Variants in PKD1L1 observed in about 807,000 individuals in gnomAD.
The protein encoded by PKD1L1 is polycystin 1 like 1, transient receptor potential channel interacting, also known as polycystin-1-like protein 1.
A neutral mutation model predicts 323.4 loss-of-function variants in PKD1L1; 236 were observed. The observed-to-expected ratio is 0.73, with a 90% CI of 0.66 to 0.81. The LOEUF is 0.81. Ranked by LOEUF, PKD1L1 falls within the 40% of genes least tolerant of loss-of-function variation. The probability of loss-of-function intolerance (pLI) is 0.00; values close to 1 mark genes in which losing one functional copy is unlikely to be tolerated. For missense variants in PKD1L1, 3,320 were observed against 3,508.0 expected, an observed-to-expected ratio of 0.95 and a Z score of 1.35; for synonymous variants, 1,344 against 1,335.0, an observed-to-expected ratio of 1.01 and a Z score of -0.15.
rs1308274837 is a variant in PKD1L1, at chr7:47,876,088, A to G, written c.3784+9T>C. 5 of 1,613,818 alleles carry G rather than the reference A, an allele frequency of 3.1e-6. No homozygotes were observed. The African/African-American group carries it at 4.0e-5, about 13-fold the overall frequency. On this transcript the variant is annotated intron_variant, in intron 23 of 56. Coordinates refer to ENST00000289672, the MANE Select transcript of PKD1L1 (RefSeq NM_138295.5). Reference sequence around the variant, plus strand: ...ACAGCTAGTGACTCCAACTGGCACCATAGCTTACCTTTGTAATTGTCCAAG... The same window carrying G: ...ACAGCTAGTGACTCCAACTGGCACCGTAGCTTACCTTTGTAATTGTCCAAG...
chr7:47,872,169 A>AC (rs1482208941), intron 24 of PKD1L1, among the ~76,000 whole-genome samples: 1 of 152,168 alleles, frequency 6.6e-6, no homozygotes, highest in African/African-American at 2.4e-5. Flanking sequence ...TTGTTTTTCT[A>AC]CCCCCTGCAG....
Position 47,945,790 on chromosome 7 carries a change from C to T in PKD1L1, c.45-2279G>A, listed in dbSNP as rs550236120. Reference sequence around the variant, plus strand: ...CAAGGTTAGATAGCCCTGGCACCCACCAAGTTCCGAGACCCTCCCAGACAC... The same window carrying T: ...CAAGGTTAGATAGCCCTGGCACCCATCAAGTTCCGAGACCCTCCCAGACAC... On this transcript the variant is annotated intron_variant, in intron 1 of 56. Coordinates refer to ENST00000289672, the MANE Select transcript of PKD1L1 (RefSeq NM_138295.5). Among the ~76,000 whole-genome samples the T allele has an allele frequency of 2.0e-5, 3 of 152,222 alleles. No individual in the cohort carries two copies. The East Asian group carries it at 5.8e-4, about 29-fold the overall frequency.
chr7:47,818,278 C>T (rs754335468), intron 46 of PKD1L1: 91 of 1,104,812 alleles, frequency 8.2e-5, no homozygotes, highest in African/African-American at 1.2e-4. Flanking sequence ...GTGAAAAGGG[C>T]GGGAGGGTAG....
intron 42 of PKD1L1, among the ~76,000 whole-genome samples, chr7:47,831,013 A>AGCTG: frequency 6.6e-6 from 1 of 152,176 alleles, no homozygotes; most frequent in Non-Finnish European, 1.5e-5. Context: ...GCCATGGCAG[A>AGCTG]GCTGGCCAGG....
At chr7:47,937,398 A>C (rs1351413307) in intron 3 of PKD1L1, among the ~76,000 whole-genome samples, 2 of 152,172 alleles carry the variant, frequency 1.3e-5, no homozygotes, top group Non-Finnish European at 2.9e-5. Flanking sequence ...CTGCAGGAGC[A>C]GCAGAAGTCT....
chr7:47,822,297 CT>C (rs1785157314), intron 45 of PKD1L1, among the ~76,000 whole-genome samples: 1 of 152,032 alleles, frequency 6.6e-6, no homozygotes, highest in African/African-American at 2.4e-5. Context: ...TAAAAAAAAG[CT>C]TGTGGTATTT....
chr7:47,853,173 C>T lies in PKD1L1; in HGVS notation c.4914G>A (p.Trp1638Ter), dbSNP rs1286473753. The change falls in exon 31 of 57, where the codon TGG becomes TGA. Residue 1638 changes from tryptophan (W) to a stop codon, truncating the protein, a stop_gained. Transcript: ENST00000289672. LOFTEE classifies it high-confidence loss of function. ...SDFLVKQIYF[W>*]DESIVQIYIP... is the part of the protein sequence containing the mutation. Reference sequence around the variant, plus strand: ...TATAAATCTGCACAATTGACTCATCCCAGAAGTAGATCTGCTTCACAAGAA... The same window carrying T: ...TATAAATCTGCACAATTGACTCATCTCAGAAGTAGATCTGCTTCACAAGAA... 7 of 1,613,706 alleles carry T rather than the reference C, an allele frequency of 4.3e-6. No homozygotes were observed. The highest frequency in any genetic ancestry group is 1.1e-5 in the South Asian group (1 of 91,074).
rs1013140540 is a variant in PKD1L1, at chr7:47,905,319, G to A, written c.1529C>T (p.Ser510Phe). Reference protein sequence around the residue: ...MTVWYKMQSVSVYTNGTVFAT... With the variant: ...MTVWYKMQSVFVYTNGTVFAT... ...AAACACAGTTCCATTTGTGTAGACA[G>A]AGACGGCTGTGGCAAAAGAAAGGAA... The change falls in exon 11 of 57, where the codon TCT becomes TTT. Residue 510 changes from serine to phenylalanine, a missense_variant. By Grantham distance (155) the Ser-to-Phe change is radical. Coordinates refer to ENST00000289672, the MANE Select transcript of PKD1L1 (RefSeq NM_138295.5). 1 of 1,613,576 alleles carries A rather than the reference G, an allele frequency of 6.2e-7. No individual in the cohort carries two copies. The highest frequency in any genetic ancestry group is 8.5e-7 in the Non-Finnish European group (1 of 1,179,810).
chr7:47,829,456 C>T lies in PKD1L1; in HGVS notation c.6704G>A (p.Ser2235Asn). 2 of 1,613,896 alleles carry T rather than the reference C, an allele frequency of 1.2e-6. No individual in the cohort carries two copies. Among genetic ancestry groups the T allele is most frequent in the Non-Finnish European group, 8.5e-7 (1 of 1,179,952 alleles). Residue 2235 changes from serine to asparagine, a missense_variant, in exon 44 of 57, where the codon AGT (serine) becomes AAT (asparagine). Coordinates refer to ENST00000289672, the MANE Select transcript of PKD1L1 (RefSeq NM_138295.5). ...WTRLPFSSSC[S>N]IPDCAGEVEK... ...AACCTCGCCTGCACAGTCAGGAATA[C>T]TGCAGCTTGAAGAGAAGGGGAGGCG...
chr7:47,851,969 G>C (rs1383041748), intron 31 of PKD1L1, among the ~76,000 whole-genome samples: 3 of 152,166 alleles, frequency 2.0e-5, no homozygotes, highest in Non-Finnish European at 2.9e-5. Flanking sequence ...CATTTGGGGG[G>C]ATTTTAAAAA....
At chr7:47,879,800 G>T (rs1472134794) in intron 21 of PKD1L1, among the ~76,000 whole-genome samples, 1 of 149,078 alleles carries the variant, frequency 6.7e-6, no homozygotes. Context: ...GGGCGTGGTG[G>T]CAGGCAGCTG....
intron 8 of PKD1L1, among the ~76,000 whole-genome samples, chr7:47,912,798 A>C (rs1230101583): frequency 6.3e-5 from 9 of 141,788 alleles, no homozygotes; most frequent in Non-Finnish European, 1.4e-4. Context: ...CCTGGGCAAC[A>C]GAGTGAGACT....
chr7:47,907,967 T>C lies in PKD1L1; in HGVS notation c.1402+110A>G, dbSNP rs914503696. The C allele has an allele frequency of 8.8e-6, 9 of 1,027,982 alleles. No individual in the cohort carries two copies. In the African/African-American group the frequency reaches 1.3e-4, roughly 15 times the overall value. 63.7% of individuals were successfully genotyped at this position (1,027,982 alleles called of 1,614,324 possible). A position where few individuals can be genotyped will look rare whatever the true frequency, so the allele number is the denominator to read the frequency against. ...ATTAGGGAAGAATGAATGAAGGATG[T>C]TGTATCAAATTTAGAACTGCTATAA... On this transcript the variant is annotated intron_variant, in intron 9 of 56. Transcript: ENST00000289672.
At chr7:47,943,160 AAAAATATAT>A (rs1422501425) in intron 2 of PKD1L1, among the ~76,000 whole-genome samples, 18 of 54,118 alleles carry the variant, frequency 3.3e-4, no homozygotes, top group East Asian at 6.7e-4. Context: ...AAAAAAAAAA[AAAAATATAT>A]ATATATATAT....
At chr7:47,865,177 T>G in intron 26 of PKD1L1, 39 bp downstream of exon 26, 1 of 1,519,330 alleles carries the variant, frequency 6.6e-7, no homozygotes, top group Non-Finnish European at 9.1e-7. Context: ...CAAAACTATA[T>G]AAAATAGGAA....
At position 47,843,220 on chromosome 7, in the gene PKD1L1, A is replaced by G. The variant is rs1483579503; in HGVS notation, c.5238-51T>C. The G allele has an allele frequency of 2.1e-6, 3 of 1,430,862 alleles. No homozygotes were observed. In the African/African-American group the frequency reaches 4.3e-5, roughly 20 times the overall value. The allele number at this position is 1,430,862 out of a possible 1,614,324, so 88.6% of individuals were successfully genotyped here. A position where few individuals can be genotyped will look rare whatever the true frequency, so the allele number is the denominator to read the frequency against. ...GAAAATTGCTCATGAAAATAGACAT[A>G]TAGGAAAAGACTGATTGCCACCCCT... On this transcript the variant is annotated intron_variant, in intron 33 of 56. Transcript: ENST00000289672.
intron 53 of PKD1L1, among the ~76,000 whole-genome samples, chr7:47,801,760 T>C: frequency 6.6e-6 from 1 of 152,242 alleles, no homozygotes; most frequent in Non-Finnish European, 1.5e-5. Context: ...TCTATGAGTC[T>C]ACAACTGGAC....
rs1395095758 is a variant in PKD1L1, at chr7:47,915,446, G to T, written c.1214C>A (p.Ser405Tyr). Residue 405 changes from serine (S) to tyrosine (Y), a missense_variant, in exon 8 of 57, where the codon TCT becomes TAT. Coordinates refer to ENST00000289672, the MANE Select transcript of PKD1L1 (RefSeq NM_138295.5). ...TAAAAACATACTGGTGACAAAGGCAGAAATAAGCTCATATCCAAGGTTACT... is the reference window on the plus strand; with the variant it reads ...TAAAAACATACTGGTGACAAAGGCATAAATAAGCTCATATCCAAGGTTACT... The part of the protein sequence containing the change: ...DPSNLGYELI[S>Y]AFVTKGVYML... 1 of 956,524 alleles carries T rather than the reference G, an allele frequency of 1.0e-6. No individual in the cohort carries two copies. Among genetic ancestry groups the T allele is most frequent in the African/African-American group, 1.6e-5 (1 of 62,232 alleles). The allele number at this position is 956,524 out of a possible 1,614,324, so 59.3% of individuals were successfully genotyped here.
chr7:47,960,232 C>CGG, the PKD1L1 span, among the ~76,000 whole-genome samples: 3 of 149,744 alleles, frequency 2.0e-5, no homozygotes, highest in Admixed American at 2.0e-4. Context: ...ACAAACACTG[C>CGG]GGAAGGCCGC....
Sources: gnomAD v4.1 joint callset for allele counts (sites outside exome capture counted in the v4.1 genomes callset) on GRCh38, gnomAD v4.1.1 for gene constraint, MANE v1.5 for transcripts, NCBI Gene and HGNC (gene_info 2026-07-23, HGNC 2026-07-21) for gene names.